The following ALG10B variants were observed in gnomAD, a reference collection of about 807,000 sequenced individuals.
The protein encoded by ALG10B is ALG10 alpha-1,2-glucosyltransferase B.
In ALG10B, 27 loss-of-function variants were observed where a neutral mutation model predicts 38.7. The observed-to-expected ratio is 0.70, with a 90% CI of 0.51 to 0.96. The LOEUF (loss-of-function observed/expected upper bound fraction) is 0.96. Among genes scored for constraint, ALG10B ranks in the 40% least tolerant of loss-of-function variants. ALG10B has a pLI of 0.00. For missense variants in ALG10B, 522 were observed against 542.7 expected (o/e 0.96, Z 0.38); for synonymous variants, 177 against 193.3 (o/e 0.92, Z 0.70).
rs774216102 is a variant in ALG10B at position 38,320,515 on chromosome 12, A to T, written c.724A>T (p.Met242Leu). 5 of 1,614,060 alleles carry T rather than the reference A, an allele frequency of 3.1e-6. No homozygotes were observed. The highest frequency in any genetic ancestry group is 1.7e-4 in the Middle Eastern group (1 of 6,060). The change falls in exon 3 of 3, where the codon ATG becomes TTG. Residue 242 changes from methionine (M) to leucine (L), a missense_variant. Met to Leu is a conservative substitution (Grantham distance 15). Coordinates refer to ENST00000308742, the MANE Select transcript of ALG10B (RefSeq NM_001013620.4). ...TCTTCAGTTTCTTTTGGCTTATTCC[A>T]TGTCCTTTAAAAACTTGAGTATGCT... ...KILQFLLAYS[M>L]SFKNLSMLFC...
chr12:38,320,177 A>G lies in ALG10B; in HGVS notation c.386A>G (p.Gln129Arg), dbSNP rs1463483299. ...TCCTCCAAGGCTGCCTCAAGTATCCAGAGAGTCTTGTCAACATTAACACTA... is the reference window on the plus strand; with the variant it reads ...TCCTCCAAGGCTGCCTCAAGTATCCGGAGAGTCTTGTCAACATTAACACTA... ...QPRNKAASSI[Q>R]RVLSTLTLAV... Residue 129 changes from glutamine (Q) to arginine (R), a missense_variant, in exon 3 of 3, where the codon CAG becomes CGG. Gln to Arg is a conservative substitution (Grantham distance 43). Coordinates refer to ENST00000308742, the MANE Select transcript of ALG10B (RefSeq NM_001013620.4). 1.2e-6 allele frequency: 2 copies of G among 1,613,886 alleles called. No individual in the cohort carries two copies. The highest frequency in any genetic ancestry group is 1.3e-5 in the African/African-American group (1 of 74,922).
Position 38,326,473 on chromosome 12 carries a change from ATTAAAGAAAC to A in ALG10B, c.*5263_*5272del, listed in dbSNP as rs1315365935. ...ATAACACTTTAAAGGAAAGTTTCTT[ATTAAAGAAAC>A]TTTATACCCTATTAAGGGTATAATT... On this transcript the variant is annotated 3_prime_UTR_variant, in exon 3 of 3. Coordinates refer to ENST00000308742, the MANE Select transcript of ALG10B (RefSeq NM_001013620.4). 8 of 24,072 alleles carry A rather than the reference ATTAAAGAAAC, an allele frequency of 3.3e-4. No homozygotes were observed. The highest frequency in any genetic ancestry group is 2.5e-3 in the African/African-American group (8 of 3,182). The allele number at this position is 24,072 out of a possible 1,614,324, so 1.5% of individuals were successfully genotyped here.
At chr12:38,316,719 G>A (rs1180046935), upstream of ALG10B, 5 of 1,051,874 alleles carry the variant, frequency 4.8e-6, no homozygotes, top group Non-Finnish European at 7.3e-6. Context: ...CCAGGAAACA[G>A]CGACCCGCTG....
At position 38,318,040 on chromosome 12, in the gene ALG10B, T is replaced by C. The variant is rs570578017; in HGVS notation, c.172-221T>C. The C allele has an allele frequency of 4.5e-5, 26 of 578,982 alleles. No homozygotes were observed. In the South Asian group the frequency reaches 5.3e-4, roughly 12 times the overall value. The allele number at this position is 578,982 out of a possible 1,614,324, so 35.9% of individuals were successfully genotyped here. On this transcript the variant is annotated intron_variant, in intron 1 of 2. Transcript: ENST00000308742. ...GAAAATAGAAATAGATTTTAAGTTG[T>C]TGTTTATTGGTTGCTGCTACCTGAA...
chr12:38,328,578 A>G lies in ALG10B; in HGVS notation c.*7365A>G, dbSNP rs965031502. On this transcript the variant is annotated 3_prime_UTR_variant, in exon 3 of 3. Coordinates refer to ENST00000308742, the MANE Select transcript of ALG10B (RefSeq NM_001013620.4). ...TTATTAGTCTGAATTAAACTCTTTT[A>G]TAGTGTTTTATTGTTTTAAACCACA... 1.3e-5 allele frequency: 2 copies of G among 152,012 alleles called. No homozygotes were observed. The highest frequency in any genetic ancestry group is 2.9e-5 in the Non-Finnish European group (2 of 67,960). 9.4% of individuals were successfully genotyped at this position (152,012 alleles called of 1,614,324 possible). A position where few individuals can be genotyped will look rare whatever the true frequency, so the allele number is the denominator to read the frequency against.
rs1336396152 is a variant in ALG10B, at chr12:38,328,818, C to T, written c.*7605C>T. 1 of 172,010 alleles carries T rather than the reference C, an allele frequency of 5.8e-6. No individual in the cohort carries two copies. Among genetic ancestry groups the T allele is most frequent in the Non-Finnish European group, 1.2e-5 (1 of 81,618 alleles). The allele number at this position is 172,010 out of a possible 1,614,324, so 10.7% of individuals were successfully genotyped here. ...ATGACATAGTTAGAATCTTTTCCCACAAACAATGAGTGATGATATCTCATT... is the reference window on the plus strand; with the variant it reads ...ATGACATAGTTAGAATCTTTTCCCATAAACAATGAGTGATGATATCTCATT... On this transcript the variant is annotated 3_prime_UTR_variant, in exon 3 of 3. Coordinates refer to ENST00000308742, the MANE Select transcript of ALG10B (RefSeq NM_001013620.4).
intron 2 of ALG10B, 65 bp from the exon 3 acceptor site, chr12:38,320,096 A>G: frequency 6.3e-7 from 1 of 1,587,974 alleles, no homozygotes; most frequent in Non-Finnish European, 8.6e-7. Context: ...AAATCTCTTC[A>G]TTAGGTAAGC....
Position 38,320,906 on chromosome 12 carries a change from TGTTA to T in ALG10B, c.1119_1122del (p.Leu373PhefsTer11), listed in dbSNP as rs1195218442. The T allele has an allele frequency of 1.2e-6, 2 of 1,613,760 alleles. No homozygotes were observed. The highest frequency in any genetic ancestry group is 1.7e-6 in the Non-Finnish European group (2 of 1,179,896). On this transcript the variant is annotated frameshift_variant, in exon 3 of 3. Transcript: ENST00000308742. LOFTEE classifies it high-confidence loss of function. ...CAAAGATATGCAATTCTGAAATATT[TGTTA>T]GTTCCAGCCTATATATTTGCTGGTT... is the stretch of plus-strand genomic sequence containing the variant.
chr12:38,326,157 G>A lies in ALG10B; in HGVS notation c.*4944G>A, dbSNP rs1945742226. On this transcript the variant is annotated 3_prime_UTR_variant, in exon 3 of 3. Coordinates refer to ENST00000308742, the MANE Select transcript of ALG10B (RefSeq NM_001013620.4). The stretch of plus-strand genomic sequence containing the variant: ...TTTGTAAGCTTTCTTAAAACATGAT[G>A]AGATATTTTGTGATTTTATTTTATT... The A allele has an allele frequency of 6.6e-6, 1 of 151,204 alleles. No homozygotes were observed. The highest frequency in any genetic ancestry group is 6.6e-5 in the Admixed American group (1 of 15,158). 9.4% of individuals were successfully genotyped at this position (151,204 alleles called of 1,614,324 possible).
intron 2 of ALG10B, among the ~76,000 whole-genome samples, chr12:38,319,492 A>T (rs1945683368): frequency 6.6e-6 from 1 of 152,196 alleles, no homozygotes; most frequent in Non-Finnish European, 1.5e-5. Context: ...AGGAAATGAC[A>T]TGGTCTGATT....
rs1187024340 is a variant in ALG10B at position 38,326,527 on chromosome 12, ATTTAAAATAAGAAAATATT to A, written c.*5315_*5333del. On this transcript the variant is annotated 3_prime_UTR_variant, in exon 3 of 3. Transcript: ENST00000308742. ...TATAATTTCAAAATAATTGCTTTTT[ATTTAAAATAAGAAAATATT>A]CTTATTTCTATTTAAAATAAGAAAA... 978 of 30,030 alleles carry A rather than the reference ATTTAAAATAAGAAAATATT, an allele frequency of 0.033. 13 individuals are homozygous for A. Among genetic ancestry groups the A allele is most frequent in the African/African-American group, 0.15 (940 of 6,118 alleles). The allele number at this position is 30,030 out of a possible 1,614,324, so 1.9% of individuals were successfully genotyped here. A position where few individuals can be genotyped will look rare whatever the true frequency, so the allele number is the denominator to read the frequency against.
Position 38,319,631 on chromosome 12 carries a change from C to T in ALG10B, c.370-530C>T, listed in dbSNP as rs117681002. ...ACTGGCTCACTTTTCAGAAAAATAC[C>T]GTTATTTCATCATGAAAATATCATC... On this transcript the variant is annotated intron_variant, in intron 2 of 2. Coordinates refer to ENST00000308742, the MANE Select transcript of ALG10B (RefSeq NM_001013620.4). Among the ~76,000 whole-genome samples the T allele has an allele frequency of 2.3e-4, 35 of 152,078 alleles. No individual in the cohort carries two copies. In the East Asian group the frequency reaches 4.6e-3, roughly 20 times the overall value.
rs1464683889 is a variant in ALG10B at position 38,320,956 on chromosome 12, A to T, written c.1165A>T (p.Lys389Ter). 6.2e-7 allele frequency: 1 copy of T among 1,613,520 alleles called. No homozygotes were observed. Among genetic ancestry groups the T allele is most frequent in the Non-Finnish European group, 8.5e-7 (1 of 1,179,838 alleles). The change falls in exon 3 of 3, where the codon AAA becomes TAA. Residue 389 changes from lysine to a stop codon, truncating the protein, a stop_gained. Transcript: ENST00000308742. LOFTEE classifies it high-confidence loss of function. ...TGGTTGGAGTATAGCTGACTCATTG[A>T]AATCAAAGCCAATTTTTTGGAATTT... ...FAGWSIADSL[K>*]SKPIFWNLMF...
Position 38,328,430 on chromosome 12 carries a change from T to G in ALG10B, c.*7217T>G, listed in dbSNP as rs975355056. 7 of 152,162 alleles carry G rather than the reference T, an allele frequency of 4.6e-5. No homozygotes were observed. Among genetic ancestry groups the G allele is most frequent in the African/African-American group, 1.7e-4 (7 of 41,442 alleles). The allele number at this position is 152,162 out of a possible 1,614,324, so 9.4% of individuals were successfully genotyped here. On this transcript the variant is annotated 3_prime_UTR_variant, in exon 3 of 3. Transcript: ENST00000308742. Reference sequence around the variant, plus strand: ...TTTTATCCCTCTATATTCGTGAAATTACTTCTATTTGAAAAGTTTTCCGCC... The same window carrying G: ...TTTTATCCCTCTATATTCGTGAAATGACTTCTATTTGAAAAGTTTTCCGCC...
At position 38,329,015 on chromosome 12, in the gene ALG10B, G is replaced by A. The variant is rs1945770564; in HGVS notation, c.*7802G>A. 5.1e-6 allele frequency: 2 copies of A among 392,424 alleles called. No homozygotes were observed. Among genetic ancestry groups the A allele is most frequent in the Non-Finnish European group, 9.0e-6 (2 of 222,738 alleles). The allele number at this position is 392,424 out of a possible 1,614,324, so 24.3% of individuals were successfully genotyped here. The stretch of plus-strand genomic sequence containing the variant: ...CTGTCTGAGCTGGGATTCGTAACCA[G>A]GCAGCCTGACTCCAAAATCAATATT... On this transcript the variant is annotated 3_prime_UTR_variant, in exon 3 of 3. Transcript: ENST00000308742.
chr12:38,321,196 C>G lies in ALG10B; in HGVS notation c.1405C>G (p.Gln469Glu), dbSNP rs778301838. ...TFQWPNSQDI[Q>E]RFMW ...TCAGTGGCCAAATAGTCAGGACATTCAAAGGTTTATGTGGTAATATCAGTG... is the reference window on the plus strand; with the variant it reads ...TCAGTGGCCAAATAGTCAGGACATTGAAAGGTTTATGTGGTAATATCAGTG... The change falls in exon 3 of 3, where the codon CAA becomes GAA. Residue 469 changes from glutamine (Q) to glutamate (E), a missense_variant. Physicochemically the swap from Gln to Glu is conservative, Grantham distance 29. Coordinates refer to ENST00000308742, the MANE Select transcript of ALG10B (RefSeq NM_001013620.4). 2.3e-5 allele frequency: 37 copies of G among 1,611,884 alleles called. No individual in the cohort carries two copies. Among genetic ancestry groups the G allele is most frequent in the Non-Finnish European group, 3.1e-5 (36 of 1,179,090 alleles).
Position 38,321,362 on chromosome 12 carries a change from A to G in ALG10B, c.*149A>G. The stretch of plus-strand genomic sequence containing the variant: ...AGTTTTTTTAATATATATTTTAAAC[A>G]TATGTAAGAAATTAAGTGGCAAAGA... On this transcript the variant is annotated 3_prime_UTR_variant, in exon 3 of 3. Coordinates refer to ENST00000308742, the MANE Select transcript of ALG10B (RefSeq NM_001013620.4). 1 of 748,888 alleles carries G rather than the reference A, an allele frequency of 1.3e-6. No individual in the cohort carries two copies. The highest frequency in any genetic ancestry group is 2.0e-6 in the Non-Finnish European group (1 of 510,000). 46.4% of individuals were successfully genotyped at this position (748,888 alleles called of 1,614,324 possible).
rs1279141134 is a variant in ALG10B at position 38,322,408 on chromosome 12, A to G, written c.*1195A>G. 1 of 152,208 alleles carries G rather than the reference A, an allele frequency of 6.6e-6. No homozygotes were observed. The highest frequency in any genetic ancestry group is 1.5e-5 in the Non-Finnish European group (1 of 68,036). 9.4% of individuals were successfully genotyped at this position (152,208 alleles called of 1,614,324 possible). ...CTCTTCATGGGATACTTTTCAGTCC[A>G]TGACAGTTACTAAAGGACATTTTAG... is the stretch of plus-strand genomic sequence containing the variant. On this transcript the variant is annotated 3_prime_UTR_variant, in exon 3 of 3. Transcript: ENST00000308742.
At chr12:38,317,959 A>C (rs1161757382) in intron 1 of ALG10B, 2 of 403,590 alleles carry the variant, frequency 5.0e-6, no homozygotes, top group Non-Finnish European at 9.2e-6. Flanking sequence ...GCTTTTAAAA[A>C]CTGGAGCATT....
Sources: allele counts gnomAD v4.1 joint callset (sites outside exome capture counted in the v4.1 genomes callset), GRCh38; gene constraint gnomAD v4.1.1; transcripts MANE v1.5; gene names NCBI Gene and HGNC (gene_info 2026-07-23, HGNC 2026-07-21).